The following ZNF528 variants were observed in gnomAD, a reference collection of about 807,000 sequenced individuals.
ZNF528 encodes zinc finger protein 528.
Under a neutral mutation model 13.3 loss-of-function variants are expected in ZNF528, and 9 were observed. The ratio of observed to expected loss-of-function variants is 0.67; its 90% CI spans 0.41 to 1.18. The LOEUF is 1.18. ZNF528 is among the 50% of genes most tolerant of loss of function. ZNF528 has a pLI of 0.01. For synonymous variants in ZNF528, 264 were observed against 254.3 expected, an observed-to-expected ratio of 1.04 and a Z score of -0.36; for missense variants, 858 against 745.4, an observed-to-expected ratio of 1.15 and a Z score of -1.76.
intron 5 of ZNF528, 98 bp from the exon 6 acceptor site, chr19:52,406,417 A>G: frequency 2.0e-6 from 3 of 1,492,486 alleles, no homozygotes; most frequent in Non-Finnish European, 2.7e-6. Context: ...GTGAAATACT[A>G]TTTATGATTT....
chr19:52,410,096 C>G (rs1357031578), intron 6 of ZNF528, among the ~76,000 whole-genome samples: 3 of 152,202 alleles, frequency 2.0e-5, no homozygotes, highest in African/African-American at 7.2e-5. Flanking sequence ...AGCCACTGCA[C>G]TGGCTGTTCC....
intron 5 of ZNF528, 140 bp downstream of exon 5, chr19:52,406,173 C>A: frequency 8.7e-7 from 1 of 1,151,672 alleles, no homozygotes; most frequent in Non-Finnish European, 1.2e-6. Context: ...CTGTATTACA[C>A]TTTCTGGACT....
Position 52,417,969 on chromosome 19 carries a change from A to C in ZNF528, c.*1230A>C, listed in dbSNP as rs1284360283. On this transcript the variant is annotated 3_prime_UTR_variant, in exon 7 of 7. Coordinates refer to ENST00000360465, the MANE Select transcript of ZNF528 (RefSeq NM_032423.3). ...TATATCACAGTTGAGAGTTTAATCA[A>C]AATGACCGGATCAGCATATTCTTTT... The C allele has an allele frequency of 6.6e-6, 1 of 152,182 alleles. No homozygotes were observed. Among genetic ancestry groups the C allele is most frequent in the East Asian group, 1.9e-4 (1 of 5,152 alleles). 9.4% of individuals were successfully genotyped at this position (152,182 alleles called of 1,614,324 possible).
At chr19:52,405,005 C>G (rs1054080687) in intron 4 of ZNF528, among the ~76,000 whole-genome samples, 1 of 151,546 alleles carries the variant, frequency 6.6e-6, no homozygotes. Context: ...ATCAGGAGGT[C>G]AAGAGATCGA....
At chr19:52,403,404 C>T (rs1002904931) in intron 4 of ZNF528, among the ~76,000 whole-genome samples, 1 of 151,826 alleles carries the variant, frequency 6.6e-6, no homozygotes, top group Admixed American at 6.6e-5. Context: ...AGTGGCTCAC[C>T]CCTGTAATCC....
At chr19:52,406,417 A>C in intron 5 of ZNF528, 98 bp from the exon 6 acceptor site, 1 of 1,492,486 alleles carries the variant, frequency 6.7e-7, no homozygotes, top group East Asian at 2.3e-5. Flanking sequence ...GTGAAATACT[A>C]TTTATGATTT....
chr19:52,416,505 T>G lies in ZNF528; in HGVS notation c.1653T>G (p.Cys551Trp), dbSNP rs111453663. 21 of 1,614,180 alleles carry G rather than the reference T, an allele frequency of 1.3e-5. No individual in the cohort carries two copies. In the African/African-American group the frequency reaches 2.1e-4, roughly 16 times the overall value. The change falls in exon 7 of 7, where the codon TGT becomes TGG. Residue 551 changes from cysteine to tryptophan, a missense_variant. By Grantham distance (215) the Cys-to-Trp change is radical. Transcript: ENST00000360465. ...IIHTGERPYR[C>W]SKCGKAFRGC... ...ATACTGGAGAGAGGCCTTACAGATG[T>G]AGTAAATGTGGCAAAGCATTTCGAG...
At position 52,415,782 on chromosome 19, in the gene ZNF528, A is replaced by G. The variant is rs1377116136; in HGVS notation, c.930A>G (p.Ala310=). 6.2e-7 allele frequency: 1 copy of G among 1,614,066 alleles called. No individual in the cohort carries two copies. The highest frequency in any genetic ancestry group is 8.5e-7 in the Non-Finnish European group (1 of 1,180,022). ...HECDKVFNQI[A]HLVRHQKIHT... ...GTGACAAGGTCTTCAATCAAATTGC[A>G]CACCTTGTACGACATCAAAAAATTC... is the stretch of plus-strand genomic sequence containing the variant. Residue 310 remains alanine, a synonymous_variant, in exon 7 of 7, where the codon GCA becomes GCG. Coordinates refer to ENST00000360465, the MANE Select transcript of ZNF528 (RefSeq NM_032423.3).
chr19:52,400,227 AACACACACACACACACACAC>A (rs56136198), intron 2 of ZNF528, among the ~76,000 whole-genome samples: 1 of 144,612 alleles, frequency 6.9e-6, no homozygotes, highest in African/African-American at 2.6e-5. Context: ...TGCCCATTAA[AACACACACACACACACACAC>A]ACACACACAC....
chr19:52,416,135 G>A lies in ZNF528; in HGVS notation c.1283G>A (p.Arg428Gln), dbSNP rs757755932. Residue 428 changes from arginine (R) to glutamine (Q), a missense_variant, in exon 7 of 7, where the codon CGA (arginine) becomes CAA (glutamine). By Grantham distance (43) the Arg-to-Gln change is conservative (BLOSUM62 1). Transcript: ENST00000360465. ...CAGAAATCAGACCTTATACGACATC[G>A]AAAAACTCATACTGATGAGAAGCCT... Reference protein sequence around the residue: ...FSQKSDLIRHRKTHTDEKPYK... With the variant: ...FSQKSDLIRHQKTHTDEKPYK... 3.0e-5 allele frequency: 48 copies of A among 1,613,752 alleles called. No individual in the cohort carries two copies. In the East Asian group the frequency reaches 8.0e-4, roughly 27 times the overall value.
chr19:52,400,262 A>ACACACG, intron 2 of ZNF528, among the ~76,000 whole-genome samples: 1 of 150,586 alleles, frequency 6.6e-6, no homozygotes, highest in South Asian at 2.1e-4. Flanking sequence ...ACACACACAC[A>ACACACG]CACGCCTTTA....
chr19:52,413,554 GA>G (rs1441775276), intron 6 of ZNF528: 1 of 152,152 alleles, frequency 6.6e-6, no homozygotes, highest in Non-Finnish European at 1.5e-5. Context: ...ATGGAAATAG[GA>G]AAAGCACAAG....
At chr19:52,404,150 C>G (rs1417669450) in intron 4 of ZNF528, among the ~76,000 whole-genome samples, 1 of 152,144 alleles carries the variant, frequency 6.6e-6, no homozygotes, top group Non-Finnish European at 1.5e-5. Flanking sequence ...ATTGTTAGTC[C>G]TGACACCTGG....
chr19:52,411,566 A>G (rs780102630), intron 6 of ZNF528: 6 of 152,194 alleles, frequency 3.9e-5, no homozygotes, highest in Non-Finnish European at 8.8e-5. Context: ...TTACCAACAG[A>G]TGAAGTTGAT....
At chr19:52,409,261 T>C (rs748752670) in intron 6 of ZNF528, among the ~76,000 whole-genome samples, 1 of 152,062 alleles carries the variant, frequency 6.6e-6, no homozygotes, top group Non-Finnish European at 1.5e-5. Flanking sequence ...TGTCTCTGTG[T>C]GAATGTATTT....
chr19:52,413,250 G>A (rs1017212735), intron 6 of ZNF528: 11 of 152,186 alleles, frequency 7.2e-5, no homozygotes, highest in Non-Finnish European at 1.5e-4. Flanking sequence ...TTACTCAATA[G>A]CATATCCTCT....
At position 52,416,943 on chromosome 19, in the gene ZNF528, C is replaced by G; in HGVS notation, c.*204C>G. 1.8e-6 allele frequency: 1 copy of G among 559,882 alleles called. No homozygotes were observed. Among genetic ancestry groups the G allele is most frequent in the Non-Finnish European group, 3.1e-6 (1 of 320,930 alleles). The allele number at this position is 559,882 out of a possible 1,614,324, so 34.7% of individuals were successfully genotyped here. On this transcript the variant is annotated 3_prime_UTR_variant, in exon 7 of 7. Transcript: ENST00000360465. The stretch of plus-strand genomic sequence containing the variant: ...AATTGTGTGTACTTGGGCTATTATT[C>G]AAGGACCATTGCTATAGAACACGAT...
intron 4 of ZNF528, chr19:52,402,399 T>G: frequency 3.4e-6 from 1 of 295,140 alleles, no homozygotes; most frequent in Non-Finnish European, 6.3e-6. Flanking sequence ...AGTTCCTTTC[T>G]TTCTTCTTTC....
In ZNF528 at chr19:52,417,990, CTTT is replaced by C. The variant is rs2059021367; in HGVS notation, c.*1256_*1258del. On this transcript the variant is annotated 3_prime_UTR_variant, in exon 7 of 7. Coordinates refer to ENST00000360465, the MANE Select transcript of ZNF528 (RefSeq NM_032423.3). ...ATCAAAATGACCGGATCAGCATATT[CTTT>C]TTTTAGATGAGACAGAGTTTCGCCC... 1 of 151,892 alleles carries C rather than the reference CTTT, an allele frequency of 6.6e-6. No individual in the cohort carries two copies. Among genetic ancestry groups the C allele is most frequent in the Admixed American group, 6.6e-5 (1 of 15,234 alleles). 9.4% of individuals were successfully genotyped at this position (151,892 alleles called of 1,614,324 possible).
Sources: allele counts gnomAD v4.1 joint callset (sites outside exome capture counted in the v4.1 genomes callset), GRCh38; gene constraint gnomAD v4.1.1; transcripts MANE v1.5; gene names NCBI Gene and HGNC (gene_info 2026-07-23, HGNC 2026-07-21).